The following WWOX variants were observed in gnomAD, a reference collection of about 807,000 sequenced individuals.
The protein encoded by WWOX is WW domain containing oxidoreductase.
Under a neutral mutation model 46.2 loss-of-function variants are expected in WWOX, and 69 were observed. The ratio of observed to expected loss-of-function variants is 1.49; its 90% CI spans 1.23 to 1.82. WWOX has a LOEUF of 1.82. Ranked by LOEUF, WWOX falls within the 40% of genes most tolerant of loss-of-function variation. The pLI is 0.00. For missense variants in WWOX, 919 were observed against 542.6 expected (o/e 1.69, Z -6.89); for synonymous variants, 359 against 202.6 (o/e 1.77, Z -6.56).
intron 8 of WWOX, among the ~76,000 whole-genome samples, chr16:78,815,712 A>G (rs2051311475): frequency 6.6e-6 from 1 of 152,154 alleles, no homozygotes. Flanking sequence ...AGGAAATCTG[A>G]AAAGGAGCAA....
intron 5 of WWOX, among the ~76,000 whole-genome samples, chr16:78,181,238 TGTTTTTATGAG>T (rs1805814694): frequency 1.3e-5 from 2 of 151,890 alleles, no homozygotes; most frequent in Non-Finnish European, 2.9e-5. Context: ...TGTCTAGCGG[TGTTTTTATGAG>T]GTTTTTAGTG....
At position 78,411,744 on chromosome 16, in the gene WWOX, GC is replaced by G. The variant is rs2082685739; in HGVS notation, c.606-13125del. Among the ~76,000 whole-genome samples the G allele has an allele frequency of 2.0e-5, 3 of 152,282 alleles. 1 individual carries two copies. The South Asian group carries it at 6.2e-4, about 32-fold the overall frequency. On this transcript the variant is annotated intron_variant, in intron 6 of 8. Transcript: ENST00000566780. ...GTAGAGGTGACAAGACCAGGTGTGG[GC>G]TATTGCAGTGACTACACCTAAAAGG...
intron 8 of WWOX, among the ~76,000 whole-genome samples, chr16:78,848,721 G>T (rs2052363120): frequency 1.3e-5 from 2 of 152,130 alleles, no homozygotes; most frequent in Non-Finnish European, 2.9e-5. Context: ...TACCAACAGG[G>T]TAATGATGAG....
At chr16:78,880,742 C>G (rs1428693297) in intron 8 of WWOX, among the ~76,000 whole-genome samples, 1 of 152,190 alleles carries the variant, frequency 6.6e-6, no homozygotes, top group Non-Finnish European at 1.5e-5. Flanking sequence ...TTTGACAACA[C>G]TACCTTTGGG....
At chr16:78,862,367 T>C (rs1052238520) in intron 8 of WWOX, among the ~76,000 whole-genome samples, 7 of 151,250 alleles carry the variant, frequency 4.6e-5, no homozygotes, top group Non-Finnish European at 1.0e-4. Context: ...ATAAACACTA[T>C]AGTATATAGA....
intron 8 of WWOX, among the ~76,000 whole-genome samples, chr16:78,554,219 C>T (rs937906455): frequency 5.3e-5 from 8 of 152,042 alleles, no homozygotes; most frequent in African/African-American, 1.9e-4. Context: ...TGGCCAGATG[C>T]ATGTGGACAT....
At chr16:78,428,464 A>G (rs1352234141) in intron 7 of WWOX, among the ~76,000 whole-genome samples, 7 of 152,156 alleles carry the variant, frequency 4.6e-5, no homozygotes, top group Admixed American at 6.5e-5. Flanking sequence ...ATCAGGGGTC[A>G]CCCTTACAGG....
chr16:78,198,321 G>A (rs568267674), intron 5 of WWOX, among the ~76,000 whole-genome samples: 3 of 152,186 alleles, frequency 2.0e-5, no homozygotes, highest in African/African-American at 4.8e-5. Flanking sequence ...AACTAAAAAC[G>A]ACACCCTCCC....
At chr16:78,559,734 A>G (rs1345440289) in intron 8 of WWOX, among the ~76,000 whole-genome samples, 2 of 152,186 alleles carry the variant, frequency 1.3e-5, no homozygotes, top group African/African-American at 4.8e-5. Flanking sequence ...GCTTCCTGGT[A>G]GAAAGTTCTA....
intron 8 of WWOX, among the ~76,000 whole-genome samples, chr16:78,744,782 T>C (rs1377384042): frequency 2.0e-5 from 3 of 152,120 alleles, no homozygotes; most frequent in Non-Finnish European, 4.4e-5. Context: ...GTGGAAAATA[T>C]TAATTACAAG....
chr16:79,090,203 T>A (rs999673706), intron 8 of WWOX: 1 of 151,850 alleles, frequency 6.6e-6, no homozygotes, highest in East Asian at 1.9e-4. Flanking sequence ...TTTCTTGACT[T>A]GGTGGGTCTG....
chr16:78,497,868 T>A (rs77903755), intron 8 of WWOX, among the ~76,000 whole-genome samples: 2,817 of 22,828 alleles, frequency 0.12, 67 homozygotes, highest in East Asian at 0.38. Flanking sequence ...ATAAAAAAAT[T>A]AAAAAAGCCC....
chr16:78,407,482 T>G (rs1195088953), intron 6 of WWOX, among the ~76,000 whole-genome samples: 1 of 152,220 alleles, frequency 6.6e-6, no homozygotes, highest in Non-Finnish European at 1.5e-5. Context: ...CTTGCCTCAC[T>G]TTTGGGGAGC....
At chr16:78,739,905 A>G (rs542129901) in intron 8 of WWOX, among the ~76,000 whole-genome samples, 1 of 152,284 alleles carries the variant, frequency 6.6e-6, no homozygotes, top group South Asian at 2.1e-4. Flanking sequence ...GGGTCAGAGA[A>G]TTGTGCATTT....
At chr16:78,593,469 A>G (rs2045399251) in intron 8 of WWOX, among the ~76,000 whole-genome samples, 1 of 152,206 alleles carries the variant, frequency 6.6e-6, no homozygotes, top group African/African-American at 2.4e-5. Flanking sequence ...TCACAAAATC[A>G]AAACCATTCC....
chr16:78,357,086 A>G (rs1471710338), intron 5 of WWOX, among the ~76,000 whole-genome samples: 1 of 152,214 alleles, frequency 6.6e-6, no homozygotes, highest in African/African-American at 2.4e-5. Context: ...GGTGCTGGCC[A>G]GGAGACACCA....
chr16:78,446,551 G>A (rs1163118914), intron 8 of WWOX, among the ~76,000 whole-genome samples: 1 of 151,016 alleles, frequency 6.6e-6, no homozygotes, highest in Non-Finnish European at 1.5e-5. Flanking sequence ...TCCTATTATT[G>A]ATATTATAAT....
At chr16:78,810,633 C>A (rs1029774825) in intron 8 of WWOX, among the ~76,000 whole-genome samples, 3 of 152,160 alleles carry the variant, frequency 2.0e-5, no homozygotes, top group Admixed American at 6.5e-5. Context: ...TTATTTCTTC[C>A]GCTGAACAGG....
chr16:78,676,956 G>A (rs988029184), intron 8 of WWOX, among the ~76,000 whole-genome samples: 9 of 152,052 alleles, frequency 5.9e-5, no homozygotes, highest in African/African-American at 1.2e-4. Flanking sequence ...GAATAAAAAC[G>A]GTGTTTCCTC....
Sources: allele counts gnomAD v4.1 joint callset (sites outside exome capture counted in the v4.1 genomes callset), GRCh38; gene constraint gnomAD v4.1.1; transcripts MANE v1.5; gene names NCBI Gene and HGNC (gene_info 2026-07-23, HGNC 2026-07-21).